HERC5: variants seen among roughly 807,000 people sequenced by gnomAD.
HERC5 encodes HECT and RLD domain containing E3 ubiquitin protein ligase 5, also known as E3 ISG15--protein ligase HERC5.
In HERC5, 99 loss-of-function variants were observed where a neutral mutation model predicts 119.6. The ratio of observed to expected loss-of-function variants is 0.83; its 90% CI spans 0.70 to 0.98. The LOEUF (loss-of-function observed/expected upper bound fraction) is 0.98, where lower values mean the gene tolerates loss of function less well. HERC5 is among the 50% of genes least tolerant of loss of function. The pLI is 0.00. For missense variants in HERC5, 1,267 were observed against 1,241.3 expected (o/e 1.02, Z -0.31); for synonymous variants, 478 against 445.9 (o/e 1.07, Z -0.91).
chr4:88,467,202 T>C lies in HERC5; in HGVS notation c.1055T>C (p.Leu352Pro), dbSNP rs200721883. Residue 352 changes from leucine to proline, a missense_variant and splice_region_variant, in exon 7 of 23, where the codon CTT (leucine) becomes CCT (proline). By Grantham distance (98) the Leu-to-Pro change is moderately conservative. Around this residue, in one of 3 missense-constraint regions of HERC5, gnomAD observed 777 missense variants for 758.0 expected, o/e 1.03. Transcript: ENST00000264350. ...VKVSSSEELK[L>P]ESHTSEKELI... ...GTATCATCAAGTGAAGAACTCAAAC[T>C]TGGTAAATTCTATAGGAACATAGGG... The C allele has an allele frequency of 6.2e-7, 1 of 1,614,128 alleles. No individual in the cohort carries two copies. Among genetic ancestry groups the C allele is most frequent in the East Asian group, 2.2e-5 (1 of 44,878 alleles).
intron 16 of HERC5, among the ~76,000 whole-genome samples, chr4:88,492,698 A>G (rs1448597666): frequency 6.6e-6 from 1 of 152,132 alleles, no homozygotes; most frequent in Non-Finnish European, 1.5e-5. Flanking sequence ...GTGAGCCGAG[A>G]TCAGACCACT....
At position 88,504,340 on chromosome 4, in the gene HERC5, C is replaced by G; in HGVS notation, c.2691C>G (p.Ile897Met). 1 of 1,612,676 alleles carries G rather than the reference C, an allele frequency of 6.2e-7. No homozygotes were observed. Among genetic ancestry groups the G allele is most frequent in the Middle Eastern group, 1.7e-4 (1 of 6,050 alleles). The change falls in exon 21 of 23, where the codon ATC (isoleucine) becomes ATG (methionine). Residue 897 changes from isoleucine to methionine, a missense_variant. By Grantham distance (10) the Ile-to-Met change is conservative. Coordinates refer to ENST00000264350, the MANE Select transcript of HERC5 (RefSeq NM_016323.4). ...ATAAAATGTGCGACGAAGACATTAT[C>G]AAATTATTCCACCCCGAAGAACTGA... ...GFYKMCDEDI[I>M]KLFHPEELKD...
intron 2 of HERC5, 50 bp downstream of exon 2, chr4:88,459,520 T>A (rs748861994): frequency 1.7e-6 from 2 of 1,145,038 alleles, no homozygotes; most frequent in South Asian, 3.4e-5. Context: ...CAAAAGACAA[T>A]AATAATTTCT....
At chr4:88,482,111 A>G (rs1346332147) in intron 13 of HERC5, among the ~76,000 whole-genome samples, 1 of 151,924 alleles carries the variant, frequency 6.6e-6, no homozygotes, top group African/African-American at 2.4e-5. Context: ...GGAGTTCAAG[A>G]CCAGCCTGAC....
intron 11 of HERC5, 87 bp from the exon 12 acceptor site, chr4:88,475,754 G>C: frequency 9.3e-7 from 1 of 1,080,018 alleles, no homozygotes; most frequent in South Asian, 1.3e-5. Flanking sequence ...TGACATTCCA[G>C]CCTCTACACC....
chr4:88,496,842 G>A (rs1741808738), intron 18 of HERC5, among the ~76,000 whole-genome samples: 1 of 152,158 alleles, frequency 6.6e-6, no homozygotes, highest in African/African-American at 2.4e-5. Context: ...AAGGGAAGGT[G>A]TTGTCAGGGT....
At chr4:88,486,573 T>C (rs1404123793) in intron 14 of HERC5, among the ~76,000 whole-genome samples, 9 of 152,230 alleles carry the variant, frequency 5.9e-5, no homozygotes, top group Admixed American at 5.9e-4. Context: ...TAGAGTGTCT[T>C]GGGTGTAAGC....
chr4:88,497,669 T>G (rs1030847926), intron 18 of HERC5, among the ~76,000 whole-genome samples: 26 of 152,142 alleles, frequency 1.7e-4, no homozygotes, highest in African/African-American at 5.8e-4. Flanking sequence ...AAGCCAAACT[T>G]AAAGATTTGG....
intron 13 of HERC5, among the ~76,000 whole-genome samples, chr4:88,482,185 C>T (rs1400960168): frequency 6.6e-6 from 1 of 151,990 alleles, no homozygotes; most frequent in African/African-American, 2.4e-5. Context: ...TGGCGTATGC[C>T]TGTAATCCCA....
chr4:88,474,970 T>G (rs1741006640), intron 11 of HERC5, among the ~76,000 whole-genome samples: 1 of 152,190 alleles, frequency 6.6e-6, no homozygotes, highest in African/African-American at 2.4e-5. Context: ...TCCATTCCAT[T>G]TTTTCCTAAA....
chr4:88,463,038 A>G (rs927157218), intron 4 of HERC5, among the ~76,000 whole-genome samples: 3 of 152,216 alleles, frequency 2.0e-5, no homozygotes, highest in Admixed American at 2.0e-4. Flanking sequence ...AGAATAGCCC[A>G]TAAGTCAGTG....
rs751343604 is a variant in HERC5 at position 88,494,231 on chromosome 4, A to T, written c.2344A>T (p.Asn782Tyr). 2.5e-6 allele frequency: 4 copies of T among 1,613,238 alleles called. No homozygotes were observed. In the African/African-American group the frequency reaches 5.3e-5, roughly 22 times the overall value. Residue 782 changes from asparagine (N) to tyrosine (Y), a missense_variant, in exon 18 of 23, where the codon AAT (asparagine) becomes TAT (tyrosine). Transcript: ENST00000264350. ...VLCGLSLFNC[N>Y]VANLPFPLAL... Reference sequence around the variant, plus strand: ...ATGTGGACTTTCCCTGTTCAATTGCAATGTTGCCAACCTTCCTTTCCCACT... The same window carrying T: ...ATGTGGACTTTCCCTGTTCAATTGCTATGTTGCCAACCTTCCTTTCCCACT...
In HERC5 at chr4:88,457,352, C is replaced by G; in HGVS notation, c.83C>G (p.Ser28Cys). 7.0e-7 allele frequency: 1 copy of G among 1,425,740 alleles called. No individual in the cohort carries two copies. 88.3% of individuals were successfully genotyped at this position (1,425,740 alleles called of 1,614,324 possible). The change falls in exon 1 of 23, where the codon TCT becomes TGT. Residue 28 changes from serine to cysteine, a missense_variant. Physicochemically the swap from Ser to Cys is moderately radical, Grantham distance 112. Around this residue, in one of 3 missense-constraint regions of HERC5, gnomAD observed 777 missense variants for 758.0 expected, o/e 1.03. Coordinates refer to ENST00000264350, the MANE Select transcript of HERC5 (RefSeq NM_016323.4). ...GCCGCCGCGACCCAGCCCGCGAAGTCTCCGGGCGCACAGCTCTGGCTCTTT... is the reference window on the plus strand; with the variant it reads ...GCCGCCGCGACCCAGCCCGCGAAGTGTCCGGGCGCACAGCTCTGGCTCTTT... ...GKAAATQPAK[S>C]PGAQLWLFPS...
rs922917515 is a variant in HERC5, at chr4:88,459,811, C to A, written c.390-284C>A. Among the ~76,000 whole-genome samples the A allele has an allele frequency of 2.6e-5, 4 of 152,090 alleles. 1 individual carries two copies. Among genetic ancestry groups the A allele is most frequent in the Non-Finnish European group, 4.4e-5 (3 of 67,984 alleles). The stretch of plus-strand genomic sequence containing the variant: ...CATTATCATGAAATAATTTGTGAGA[C>A]TTTTCCCTAGTAGATTATATGAATT... On this transcript the variant is annotated intron_variant, in intron 2 of 22. Coordinates refer to ENST00000264350, the MANE Select transcript of HERC5 (RefSeq NM_016323.4).
intron 4 of HERC5, 38 bp downstream of exon 4, chr4:88,462,394 T>TA (rs772014584): frequency 2.0e-6 from 3 of 1,534,272 alleles, no homozygotes; most frequent in Non-Finnish European, 2.7e-6. Context: ...TACCAACAGA[T>TA]ATACTTGTTA....
intron 12 of HERC5, 121 bp downstream of exon 12, chr4:88,476,151 A>G (rs1349735659): frequency 4.2e-6 from 3 of 706,554 alleles, no homozygotes; most frequent in Non-Finnish European, 7.0e-6. Context: ...TCGTATTGTT[A>G]GCATACTCTA....
At chr4:88,493,902 G>A (rs1424133108) in intron 17 of HERC5, among the ~76,000 whole-genome samples, 2 of 150,970 alleles carry the variant, frequency 1.3e-5, no homozygotes, top group Non-Finnish European at 3.0e-5. Context: ...GCGTGAGAGT[G>A]GCAGGGATTT....
intron 15 of HERC5, among the ~76,000 whole-genome samples, 191 bp downstream of exon 15, chr4:88,487,370 A>G (rs774953486): frequency 6.6e-6 from 1 of 152,148 alleles, no homozygotes; most frequent in South Asian, 2.1e-4. Flanking sequence ...CCTTAAGGCA[A>G]ATTAGGGCCT....
intron 12 of HERC5, among the ~76,000 whole-genome samples, chr4:88,476,265 C>T (rs1243262445): frequency 6.6e-6 from 1 of 152,028 alleles, no homozygotes; most frequent in Non-Finnish European, 1.5e-5. Context: ...CCTTAGTTTC[C>T]AACTTTTCAC....
Sources: allele counts gnomAD v4.1 joint callset (sites outside exome capture counted in the v4.1 genomes callset), GRCh38; gene constraint gnomAD v4.1.1; regional missense constraint gnomAD v4.1.1; transcripts MANE v1.5; gene names NCBI Gene and HGNC (gene_info 2026-07-23, HGNC 2026-07-21).